Variants in UBR2 observed in about 807,000 individuals in gnomAD.
UBR2 encodes the protein E3 ubiquitin-protein ligase UBR2.
Under a neutral mutation model 247.9 loss-of-function variants are expected in UBR2, and 92 were observed. The observed-to-expected ratio is 0.37, with a 90% CI of 0.31 to 0.44. UBR2 has a LOEUF of 0.44. Among genes scored for constraint, UBR2 ranks in the 20% least tolerant of loss-of-function variants. The probability of loss-of-function intolerance (pLI) is 1.00; values close to 1 mark genes in which losing one functional copy is unlikely to be tolerated. For synonymous variants in UBR2, 672 were observed against 693.5 expected, an observed-to-expected ratio of 0.97 and a Z score of 0.49; for missense variants, 1,613 against 2,112.6, an observed-to-expected ratio of 0.76 and a Z score of 4.64.
chr6:42,620,481 G>GTTTTTTTTTTTTTTTTTT (rs796314344), intron 11 of UBR2: 1 of 66,620 alleles, frequency 1.5e-5, no homozygotes, highest in African/African-American at 3.7e-5. Flanking sequence ...ATTAAGTGTT[G>GTTTTTTTTTTTTTTTTTT]TTTTTTTTTT....
At chr6:42,576,547 T>G (rs932518167) in intron 2 of UBR2, among the ~76,000 whole-genome samples, 6 of 136,116 alleles carry the variant, frequency 4.4e-5, no homozygotes, top group Admixed American at 7.3e-5. Flanking sequence ...TTTTTTTTTT[T>G]GAGATGGAGT....
intron 29 of UBR2, 82 bp downstream of exon 29, chr6:42,658,906 A>G: frequency 2.9e-6 from 4 of 1,356,786 alleles, no homozygotes; most frequent in Non-Finnish European, 3.9e-6. Flanking sequence ...CCTTGTAAGT[A>G]TACTTTTAAT....
intron 33 of UBR2, 58 bp downstream of exon 33, chr6:42,665,570 T>C: frequency 7.6e-7 from 1 of 1,312,816 alleles, no homozygotes; most frequent in South Asian, 1.3e-5. Flanking sequence ...TCAGAAAATG[T>C]ATTTCCAGAA....
intron 4 of UBR2, among the ~76,000 whole-genome samples, chr6:42,601,308 C>T (rs762969235): frequency 4.6e-5 from 7 of 152,150 alleles, no homozygotes; most frequent in Non-Finnish European, 1.5e-5. Context: ...AGCTCTGATT[C>T]TTTCTGTATA....
intron 11 of UBR2, among the ~76,000 whole-genome samples, chr6:42,625,805 T>G (rs557793149): frequency 1.3e-5 from 2 of 151,716 alleles, no homozygotes; most frequent in Admixed American, 6.6e-5. Context: ...TTGCGTTGAT[T>G]TATTTTTCCC....
chr6:42,570,906 G>C (rs938624113), intron 1 of UBR2, among the ~76,000 whole-genome samples: 1 of 151,172 alleles, frequency 6.6e-6, no homozygotes, highest in African/African-American at 2.4e-5. Flanking sequence ...AGCTAGACTC[G>C]AACCTCTGAA....
chr6:42,609,488 A>G (rs1409557031), intron 7 of UBR2, among the ~76,000 whole-genome samples: 2 of 152,164 alleles, frequency 1.3e-5, no homozygotes, highest in Non-Finnish European at 2.9e-5. Flanking sequence ...GTAAATGGAG[A>G]CCATATACAA....
chr6:42,619,435 A>ATTTTTTTTTTTTTTTTT (rs1794786532), intron 11 of UBR2: 1 of 24,052 alleles, frequency 4.2e-5, no homozygotes, highest in Non-Finnish European at 7.2e-5. Context: ...ATATATATAT[A>ATTTTTTTTTTTTTTTTT]TATATATATA....
Position 42,692,244 on chromosome 6 carries a change from C to T in UBR2, c.*1071C>T, listed in dbSNP as rs1799787227. ...CTAAGGCTAAATTGGCAGAGTATATCATCTAAAGCCAAACACTGAAGAAGG... is the reference window on the plus strand; with the variant it reads ...CTAAGGCTAAATTGGCAGAGTATATTATCTAAAGCCAAACACTGAAGAAGG... On this transcript the variant is annotated 3_prime_UTR_variant, in exon 47 of 47. Transcript: ENST00000372901. 1 of 152,146 alleles carries T rather than the reference C, an allele frequency of 6.6e-6. No individual in the cohort carries two copies. The highest frequency in any genetic ancestry group is 1.5e-5 in the Non-Finnish European group (1 of 68,034). 9.4% of individuals were successfully genotyped at this position (152,146 alleles called of 1,614,324 possible). A position where few individuals can be genotyped will look rare whatever the true frequency, so the allele number is the denominator to read the frequency against.
chr6:42,573,984 A>T lies in UBR2; in HGVS notation c.329A>T (p.Tyr110Phe). The change falls in exon 2 of 47, where the codon TAT becomes TTT. Residue 110 changes from tyrosine to phenylalanine, a missense_variant. Transcript: ENST00000372901. The stretch of plus-strand genomic sequence containing the variant: ...GTTTTTAAAGTAGGAGAGCCTACAT[A>T]TTCTTGCAGGTAAAATATTTTAATT... ...GRVFKVGEPT[Y>F]SCRDCAVDPT... The T allele has an allele frequency of 6.3e-7, 1 of 1,585,250 alleles. No homozygotes were observed. The highest frequency in any genetic ancestry group is 8.6e-7 in the Non-Finnish European group (1 of 1,167,204).
chr6:42,661,105 AAC>A (rs1797775218), intron 30 of UBR2, among the ~76,000 whole-genome samples: 1 of 151,914 alleles, frequency 6.6e-6, no homozygotes, highest in Non-Finnish European at 1.5e-5. Context: ...CATCCTGGCT[AAC>A]ACAGTGAAAC....
At position 42,658,077 on chromosome 6, in the gene UBR2, C is replaced by T. The variant is rs1436251348; in HGVS notation, c.2926C>T (p.Leu976=). 1.9e-6 allele frequency: 3 copies of T among 1,613,956 alleles called. No homozygotes were observed. Among genetic ancestry groups the T allele is most frequent in the South Asian group, 1.1e-5 (1 of 91,086 alleles). ...SPSILAMLET[L]QNAPYLEVHK... is the part of the protein sequence containing the mutation. The stretch of plus-strand genomic sequence containing the variant: ...TAGCATACTAGCTATGCTGGAAACA[C>T]TACAAAATGCTCCCTACCTAGAAGT... Residue 976 remains leucine, a synonymous_variant, in exon 27 of 47, where the codon CTA becomes TTA. Coordinates refer to ENST00000372901, the MANE Select transcript of UBR2 (RefSeq NM_001363705.2).
At chr6:42,638,992 A>G (rs968334073) in intron 15 of UBR2, among the ~76,000 whole-genome samples, 4 of 152,214 alleles carry the variant, frequency 2.6e-5, no homozygotes, top group African/African-American at 9.6e-5. Flanking sequence ...TTGAGTATTC[A>G]TTTCATGGTA....
At chr6:42,688,175 C>T (rs775929806) in intron 44 of UBR2, 41 bp from the exon 45 acceptor site, 2 of 1,613,772 alleles carry the variant, frequency 1.2e-6, no homozygotes, top group East Asian at 2.2e-5. Flanking sequence ...TCTTTAGCCA[C>T]TCTTTAGATC....
Position 42,650,287 on chromosome 6 carries a change from A to C in UBR2, c.2466A>C (p.Lys822Asn). Residue 822 changes from lysine (K) to asparagine (N), a missense_variant, in exon 23 of 47, where the codon AAA (lysine) becomes AAC (asparagine). This residue lies in a region of UBR2 where 1,524 missense variants were observed against 1,967.3 expected (regional missense o/e 0.77). Coordinates refer to ENST00000372901, the MANE Select transcript of UBR2 (RefSeq NM_001363705.2). ...SVIEAVAHFK[K>N]PGLTGRGMYE... ...TCTAAGGTCCTTTCTTTCACAGGAAACCTGGATTAACAGGACGAGGCATGT... is the reference window on the plus strand; with the variant it reads ...TCTAAGGTCCTTTCTTTCACAGGAACCCTGGATTAACAGGACGAGGCATGT... 6.2e-7 allele frequency: 1 copy of C among 1,612,810 alleles called. No homozygotes were observed. The highest frequency in any genetic ancestry group is 8.5e-7 in the Non-Finnish European group (1 of 1,179,220).
At chr6:42,683,465 A>G (rs1189488472) in intron 43 of UBR2, among the ~76,000 whole-genome samples, 2 of 152,218 alleles carry the variant, frequency 1.3e-5, no homozygotes, top group African/African-American at 2.4e-5. Flanking sequence ...GAGGCTCCAC[A>G]TACTTGTCAT....
intron 38 of UBR2, among the ~76,000 whole-genome samples, 169 bp downstream of exon 38, chr6:42,674,362 T>A (rs1308665006): frequency 3.3e-5 from 5 of 152,210 alleles, no homozygotes; most frequent in African/African-American, 2.4e-5. Context: ...AGGAACCTAG[T>A]TGAGAGACTT....
Position 42,688,289 on chromosome 6 carries a change from CAG to C in UBR2, c.4930_4931del (p.Ser1644LeufsTer6). 1 of 1,614,130 alleles carries C rather than the reference CAG, an allele frequency of 6.2e-7. No homozygotes were observed. Among genetic ancestry groups the C allele is most frequent in the Non-Finnish European group, 8.5e-7 (1 of 1,180,038 alleles). On this transcript the variant is annotated frameshift_variant, in exon 45 of 47. Coordinates refer to ENST00000372901, the MANE Select transcript of UBR2 (RefSeq NM_001363705.2). LOFTEE classifies it high-confidence loss of function. ...CLVCGSLLCS[Q>X]SYCCQTELEG... ...TGTGTGCGGATCTCTGCTGTGCTCCCAGAGTTACTGCTGCCAGACTGAACTGG... is the reference window on the plus strand; with the variant it reads ...TGTGTGCGGATCTCTGCTGTGCTCCCAGTTACTGCTGCCAGACTGAACTGG...
chr6:42,668,036 G>A (rs1384831055), intron 34 of UBR2, among the ~76,000 whole-genome samples: 2 of 152,038 alleles, frequency 1.3e-5, no homozygotes, highest in East Asian at 3.9e-4. Context: ...TGGGATTACA[G>A]GCATGAGCCA....
Sources: gnomAD v4.1 joint callset for allele counts (sites outside exome capture counted in the v4.1 genomes callset) on GRCh38, gnomAD v4.1.1 for gene constraint, gnomAD v4.1.1 regional missense constraint, MANE v1.5 for transcripts, NCBI Gene and HGNC (gene_info 2026-07-23, HGNC 2026-07-21) for gene names.